The following GNB5 variants were observed in gnomAD, a reference collection of about 807,000 sequenced individuals.
GNB5 encodes the protein guanine nucleotide-binding protein subunit beta-5.
Under a neutral mutation model 55.3 loss-of-function variants are expected in GNB5, and 37 were observed. That is an observed-to-expected ratio of 0.67 (90% CI 0.51 to 0.88). The LOEUF is 0.88. GNB5 is among the 40% of genes least tolerant of loss of function. The probability of loss-of-function intolerance (pLI) is 0.00; values close to 1 mark genes in which losing one functional copy is unlikely to be tolerated. For missense variants in GNB5, 476 were observed against 515.3 expected, an observed-to-expected ratio of 0.92 and a Z score of 0.74; for synonymous variants, 219 against 198.5, an observed-to-expected ratio of 1.10 and a Z score of -0.87.
chr15:52,155,073 G>A (rs1407685380), intron 3 of GNB5, among the ~76,000 whole-genome samples: 1 of 152,200 alleles, frequency 6.6e-6, no homozygotes, highest in East Asian at 1.9e-4. Context: ...GGATCCCATG[G>A]CCACTCTCCA....
intron 3 of GNB5, among the ~76,000 whole-genome samples, chr15:52,159,330 A>C (rs1238145524): frequency 6.6e-6 from 1 of 152,086 alleles, no homozygotes; most frequent in African/African-American, 2.4e-5. Flanking sequence ...ACACTGGAGG[A>C]GGGAAACCAG....
rs1040142060 is a variant in GNB5 at position 52,152,952 on chromosome 15, T to C, written c.375+988A>G. Among the ~76,000 whole-genome samples the C allele has an allele frequency of 2.6e-5, 4 of 152,260 alleles. No homozygotes were observed. In the East Asian group the frequency reaches 7.7e-4, roughly 29 times the overall value. ...TAGAATATGTCATGTGACTTCAGTT[T>C]ATAGCTTTATGTTCAATACATGTTA... is the stretch of plus-strand genomic sequence containing the variant. On this transcript the variant is annotated intron_variant, in intron 4 of 12. Coordinates refer to ENST00000261837, the MANE Select transcript of GNB5 (RefSeq NM_016194.4).
rs558706654 is a variant in GNB5 at position 52,164,559 on chromosome 15, C to T, written c.239-10483G>A. Reference sequence around the variant, plus strand: ...AGGAGAATGGCGTCAACCTGGGAGGCGGAGCTTGCAGTGAGCCGAGAGCAC... The same window carrying T: ...AGGAGAATGGCGTCAACCTGGGAGGTGGAGCTTGCAGTGAGCCGAGAGCAC... On this transcript the variant is annotated intron_variant, in intron 3 of 12. Coordinates refer to ENST00000261837, the MANE Select transcript of GNB5 (RefSeq NM_016194.4). 1.8e-3 allele frequency among the ~76,000 whole-genome samples: 267 copies of T among 152,032 alleles called. 1 individual carries two copies. The highest frequency in any genetic ancestry group is 2.8e-3 in the Non-Finnish European group (187 of 67,992).
At chr15:52,177,270 T>TG (rs1438282825) in intron 3 of GNB5, among the ~76,000 whole-genome samples, 1 of 151,652 alleles carries the variant, frequency 6.6e-6, no homozygotes, top group Non-Finnish European at 1.5e-5. Context: ...CCTGACCTCA[T>TG]GATCCACCCG....
intron 7 of GNB5, chr15:52,137,421 C>A: frequency 9.8e-7 from 1 of 1,024,810 alleles, no homozygotes; most frequent in Non-Finnish European, 1.2e-6. Context: ...CCTATGTCTG[C>A]ACTAAATGAA....
At chr15:52,135,369 A>G (rs1203648611) in intron 8 of GNB5, among the ~76,000 whole-genome samples, 2 of 152,180 alleles carry the variant, frequency 1.3e-5, no homozygotes, top group African/African-American at 4.8e-5. Flanking sequence ...GACTGCTAAC[A>G]TCAGTGGCAG....
chr15:52,139,310 C>T lies in GNB5; in HGVS notation c.627+1830G>A, dbSNP rs147197882. 3.2e-3 allele frequency among the ~76,000 whole-genome samples: 485 copies of T among 152,132 alleles called. 3 individuals are homozygous for T. The highest frequency in any genetic ancestry group is 0.011 in the African/African-American group (465 of 41,508). ...TACAAAAATTAGCCAGGCATGGTGG[C>T]GTGTGCTTGCAGACCCACTACAGGC... On this transcript the variant is annotated intron_variant, in intron 7 of 12. Coordinates refer to ENST00000261837, the MANE Select transcript of GNB5 (RefSeq NM_016194.4).
At chr15:52,164,486 C>T (rs933701015) in intron 3 of GNB5, among the ~76,000 whole-genome samples, 4 of 151,128 alleles carry the variant, frequency 2.6e-5, no homozygotes, top group South Asian at 2.1e-4. Flanking sequence ...ATTAGCTGTG[C>T]GTGGTGGCAG....
intron 4 of GNB5, among the ~76,000 whole-genome samples, chr15:52,150,559 T>C (rs1036798598): frequency 2.0e-5 from 3 of 152,156 alleles, no homozygotes; most frequent in African/African-American, 2.4e-5. Flanking sequence ...GAGAACAACA[T>C]GCGATATGCA....
At chr15:52,127,639 T>C (rs2033462442) in intron 10 of GNB5, among the ~76,000 whole-genome samples, 1 of 152,164 alleles carries the variant, frequency 6.6e-6, no homozygotes, top group African/African-American at 2.4e-5. Flanking sequence ...CATTACTTCA[T>C]AAGATATTTG....
At chr15:52,181,629 A>G (rs920823176) in intron 2 of GNB5, among the ~76,000 whole-genome samples, 1 of 151,798 alleles carries the variant, frequency 6.6e-6, no homozygotes, top group South Asian at 2.1e-4. Context: ...AAAAACAAAA[A>G]CAAAAACAAA....
intron 3 of GNB5, among the ~76,000 whole-genome samples, chr15:52,164,308 TA>T (rs56029917): frequency 0.42 from 20,851 of 49,272 alleles, 5,408 homozygotes; most frequent in Non-Finnish European, 0.52. Flanking sequence ...GACTCTGTCT[TA>T]AAAAAAAAAA....
intron 9 of GNB5, among the ~76,000 whole-genome samples, chr15:52,129,192 G>C (rs55783485): frequency 0.018 from 2,805 of 152,202 alleles, 83 homozygotes; most frequent in African/African-American, 0.065. Flanking sequence ...CTGACCTCAA[G>C]TGATCCACCT....
rs1249916630 is a variant in GNB5, at chr15:52,117,666, T to C, written c.*5091A>G. ...GCTGTCTAGAAGCAGGAGTCTGTGG[T>C]ATGTCTGGAAGAGTGACCCAATTCT... On this transcript the variant is annotated 3_prime_UTR_variant, in exon 13 of 13. Transcript: ENST00000261837. 6.6e-6 allele frequency: 1 copy of C among 152,308 alleles called. No individual in the cohort carries two copies. 9.4% of individuals were successfully genotyped at this position (152,308 alleles called of 1,614,324 possible).
intron 3 of GNB5, among the ~76,000 whole-genome samples, chr15:52,173,070 C>T (rs1174556156): frequency 6.6e-6 from 1 of 151,804 alleles, no homozygotes; most frequent in African/African-American, 2.4e-5. Flanking sequence ...GGAGGGTGAT[C>T]CACAGTAAAT....
At chr15:52,136,172 A>ACACAC (rs1168734914) in intron 7 of GNB5, among the ~76,000 whole-genome samples, 1,302 of 99,890 alleles carry the variant, frequency 0.013, 35 homozygotes, top group East Asian at 0.023. Context: ...ACACACACAC[A>ACACAC]CCCTACCTGC....
At chr15:52,169,567 A>AAGAAG in intron 3 of GNB5, among the ~76,000 whole-genome samples, 4 of 149,448 alleles carry the variant, frequency 2.7e-5, no homozygotes, top group Non-Finnish European at 5.9e-5. Flanking sequence ...AAAAAAAGAA[A>AAGAAG]AGAAGAGAAG....
chr15:52,150,702 G>C (rs967737941), intron 4 of GNB5, among the ~76,000 whole-genome samples: 2 of 152,162 alleles, frequency 1.3e-5, no homozygotes, highest in Non-Finnish European at 2.9e-5. Flanking sequence ...GGCCTCCCAT[G>C]GGTGTGGGTT....
At position 52,179,829 on chromosome 15, in the gene GNB5, G is replaced by A. The variant is rs780228368; in HGVS notation, c.177C>T (p.Ser59=). Residue 59 remains serine (S), a synonymous_variant, in exon 3 of 13, where the codon AGC becomes AGT. Transcript: ENST00000261837. ...HENETLASLK[S]EAESLKGKLE... ...GCTTGCCCTTGAGGCTCTCGGCCTC[G>A]CTCTTCAGCGACGCCAGCGTCTCGT... 6.4e-7 allele frequency: 1 copy of A among 1,553,804 alleles called. No homozygotes were observed. Among genetic ancestry groups the A allele is most frequent in the Non-Finnish European group, 8.7e-7 (1 of 1,151,362 alleles).
Sources: allele counts gnomAD v4.1 joint callset (sites outside exome capture counted in the v4.1 genomes callset), GRCh38; gene constraint gnomAD v4.1.1; transcripts MANE v1.5; gene names NCBI Gene and HGNC (gene_info 2026-07-23, HGNC 2026-07-21).